Variants in ACSL4 observed in about 807,000 individuals in gnomAD.
ACSL4 encodes acyl-CoA synthetase long chain family member 4, also known as long-chain-fatty-acid--CoA ligase 4.
Under a neutral mutation model 49.1 loss-of-function variants are expected in ACSL4, and 9 were observed. The observed-to-expected ratio is 0.18, with a 90% CI of 0.11 to 0.32. The LOEUF is 0.32. Among genes scored for constraint, ACSL4 ranks in the 10% least tolerant of loss-of-function variants. The probability of loss-of-function intolerance (pLI) is 1.00; values close to 1 mark genes in which losing one functional copy is unlikely to be tolerated. For missense variants in ACSL4, 333 were observed against 493.7 expected, an observed-to-expected ratio of 0.67 and a Z score of 3.08; for synonymous variants, 191 against 170.3, an observed-to-expected ratio of 1.12 and a Z score of -0.95.
intron 1 of ACSL4, among the ~76,000 whole-genome samples, chrX:109,723,926 C>T (rs1412579286): frequency 8.9e-6 from 1 of 112,317 alleles, no homozygotes; most frequent in Non-Finnish European, 1.9e-5. Flanking sequence ...TCCCTAATAA[C>T]CAGAGTCAAT....
intron 1 of ACSL4, among the ~76,000 whole-genome samples, chrX:109,715,644 T>G (rs190604572): frequency 0.015 from 1,614 of 109,984 alleles, 12 homozygotes; most frequent in Non-Finnish European, 0.016. Flanking sequence ...TATATATATA[T>G]ATAGAGAGAG....
intron 15 of ACSL4, among the ~76,000 whole-genome samples, chrX:109,649,781 A>C (rs1310379832): frequency 3.7e-5 from 4 of 109,041 alleles, no homozygotes; most frequent in Non-Finnish European, 7.6e-5. Flanking sequence ...TGCTCATCTG[A>C]CAAAGGGCTA....
intron 2 of ACSL4, among the ~76,000 whole-genome samples, chrX:109,685,006 G>T (rs1924474362): frequency 9.0e-6 from 1 of 110,735 alleles, no homozygotes; most frequent in African/African-American, 3.3e-5. Flanking sequence ...GGAAAGCTGG[G>T]GGCTGCTGCA....
rs181473623 is a variant in ACSL4 at position 109,708,505 on chromosome X, G to C, written c.-65-12309C>G. Among the ~76,000 whole-genome samples, 419 of 111,852 alleles carry C rather than the reference G, an allele frequency of 3.7e-3. 1 individual carries two copies. Among genetic ancestry groups the C allele is most frequent in the African/African-American group, 0.012 (385 of 30,818 alleles). The stretch of plus-strand genomic sequence containing the variant: ...ACTAAGGAAAGCAGGTTAGATCTTC[G>C]GTTTTTAAATTAGGCTCAAAGCAAA... On this transcript the variant is annotated intron_variant, in intron 1 of 15. Coordinates refer to ENST00000672401, the MANE Select transcript of ACSL4 (RefSeq NM_001318510.2).
Position 109,659,460 on chromosome X carries a change from T to G in ACSL4, c.1749A>C (p.Thr583=). 8.3e-7 allele frequency: 1 copy of G among 1,206,313 alleles called. No homozygotes were observed. The part of the protein sequence containing the change: ...SFVVPNQKRL[T]LLAQQKGVEG... ...CTACCCCTTTCTGTTGTGCCAAAAG[T>G]GTCAACCTTTTCTGGTTAGGAACCA... The change falls in exon 15 of 16, where the codon ACA becomes ACC. Residue 583 remains threonine, a synonymous_variant. Coordinates refer to ENST00000672401, the MANE Select transcript of ACSL4 (RefSeq NM_001318510.2).
chrX:109,683,039 A>G, intron 3 of ACSL4, 97 bp downstream of exon 3: 2 of 1,036,569 alleles, frequency 1.9e-6, no homozygotes, highest in Non-Finnish European at 1.3e-6. Context: ...ACAGCACTAT[A>G]ATAGAATGCC....
At chrX:109,726,260 A>C (rs1357003623) in intron 1 of ACSL4, among the ~76,000 whole-genome samples, 1 of 111,844 alleles carries the variant, frequency 8.9e-6, no homozygotes, top group African/African-American at 3.3e-5. Context: ...TCTCTACTAA[A>C]AATACAAAAA....
At chrX:109,698,205 C>T (rs1196753297) in intron 1 of ACSL4, among the ~76,000 whole-genome samples, 1 of 111,152 alleles carries the variant, frequency 9.0e-6, no homozygotes, top group African/African-American at 3.3e-5. Context: ...TTTCTTTCAT[C>T]ACAAAAAAAT....
chrX:109,709,546 T>C (rs181130315), intron 1 of ACSL4, among the ~76,000 whole-genome samples: 1 of 112,745 alleles, frequency 8.9e-6, no homozygotes, highest in East Asian at 2.8e-4. Flanking sequence ...TTTCACTTCC[T>C]GTAAGGCCCA....
intron 11 of ACSL4, among the ~76,000 whole-genome samples, chrX:109,667,694 C>T (rs907529438): frequency 4.5e-5 from 5 of 111,183 alleles, no homozygotes; most frequent in South Asian, 3.8e-4. Context: ...GTCAGGAGTT[C>T]GAGACCAGCC....
At chrX:109,695,331 C>G (rs1925352505) in intron 2 of ACSL4, among the ~76,000 whole-genome samples, 1 of 98,981 alleles carries the variant, frequency 1.0e-5, no homozygotes, top group Admixed American at 1.1e-4. Context: ...GGTGACAGAG[C>G]AAGACTCCAT....
chrX:109,657,549 A>G (rs1921783705), intron 15 of ACSL4, among the ~76,000 whole-genome samples: 1 of 110,937 alleles, frequency 9.0e-6, no homozygotes, highest in African/African-American at 3.3e-5. Flanking sequence ...ACATGAACTC[A>G]TCCTTTTTTA....
At chrX:109,718,802 G>A (rs1221389409) in intron 1 of ACSL4, among the ~76,000 whole-genome samples, 1 of 109,442 alleles carries the variant, frequency 9.1e-6, no homozygotes, top group African/African-American at 3.3e-5. Context: ...TCTACAATTT[G>A]TTGTTTAAAT....
intron 15 of ACSL4, among the ~76,000 whole-genome samples, chrX:109,655,106 T>C (rs1246143528): frequency 1.8e-5 from 2 of 111,738 alleles, no homozygotes; most frequent in African/African-American, 6.5e-5. Context: ...TTGGAATGCC[T>C]TTTCAGTGAA....
At chrX:109,695,352 A>AG (rs1453126582) in intron 2 of ACSL4, among the ~76,000 whole-genome samples, 1 of 107,824 alleles carries the variant, frequency 9.3e-6, no homozygotes, top group Non-Finnish European at 1.9e-5. Context: ...CTTGGGGCAA[A>AG]AAAAAAAAAG....
intron 11 of ACSL4, 115 bp from the exon 12 acceptor site, chrX:109,665,609 A>G: frequency 1.6e-6 from 1 of 611,962 alleles, no homozygotes; most frequent in Non-Finnish European, 2.8e-6. Flanking sequence ...GAAGGAGTGC[A>G]AAGTGTGATC....
Position 109,683,188 on chromosome X carries a change from T to C in ACSL4, c.176A>G (p.Glu59Gly), listed in dbSNP as rs1316849230. 2 of 1,210,234 alleles carry C rather than the reference T, an allele frequency of 1.7e-6. No homozygotes were observed. Among genetic ancestry groups the C allele is most frequent in the Admixed American group, 4.4e-5 (2 of 45,792 alleles). Residue 59 changes from glutamate to glycine, a missense_variant, in exon 3 of 16, where the codon GAA becomes GGA. This residue lies in a region of ACSL4 where 157 missense variants were observed against 201.1 expected (regional missense o/e 0.78). Coordinates refer to ENST00000672401, the MANE Select transcript of ACSL4 (RefSeq NM_001318510.2). ...CATTTCATTTTCTTCACTTAGGATTTCCCTGGTCCCAAGGCTGTCCTTCTT... is the reference window on the plus strand; with the variant it reads ...CATTTCATTTTCTTCACTTAGGATTCCCCTGGTCCCAAGGCTGTCCTTCTT... The part of the protein sequence containing the change: ...FGKKDSLGTR[E>G]ILSEENEMQP...
chrX:109,693,859 T>G (rs921758211), intron 2 of ACSL4, among the ~76,000 whole-genome samples: 10 of 111,638 alleles, frequency 9.0e-5, no homozygotes, highest in African/African-American at 2.9e-4. Flanking sequence ...CCTTGGTAGT[T>G]TTTTCCCTTC....
intron 6 of ACSL4, among the ~76,000 whole-genome samples, chrX:109,680,460 G>A (rs753304582): frequency 1.2e-4 from 14 of 112,124 alleles, no homozygotes; most frequent in Admixed American, 3.8e-4. Context: ...TTCAAATGGA[G>A]TATTAATTTC....
Sources: allele counts gnomAD v4.1 joint callset (sites outside exome capture counted in the v4.1 genomes callset), GRCh38; gene constraint gnomAD v4.1.1; regional missense constraint gnomAD v4.1.1; transcripts MANE v1.5; gene names NCBI Gene and HGNC (gene_info 2026-07-23, HGNC 2026-07-21).